DGKB: variants seen among roughly 807,000 people sequenced by gnomAD.
The protein encoded by DGKB is diacylglycerol kinase beta.
A neutral mutation model predicts 114.3 loss-of-function variants in DGKB; 67 were observed. The ratio of observed to expected loss-of-function variants is 0.59; its 90% CI spans 0.48 to 0.72. DGKB has a LOEUF of 0.72. DGKB is among the 30% of genes least tolerant of loss of function. The pLI, the probability that DGKB is intolerant of heterozygous loss-of-function variation, is 0.00. For missense variants in DGKB, 907 were observed against 975.2 expected, an observed-to-expected ratio of 0.93 and a Z score of 0.93; for synonymous variants, 398 against 323.1, an observed-to-expected ratio of 1.23 and a Z score of -2.49.
At position 14,601,620 on chromosome 7, in the gene DGKB, G is replaced by A. The variant is rs141826986; in HGVS notation, c.1433+5814C>T. 4.5e-4 allele frequency among the ~76,000 whole-genome samples: 69 copies of A among 152,194 alleles called. No homozygotes were observed. In the East Asian group the frequency reaches 0.012, roughly 27 times the overall value. On this transcript the variant is annotated intron_variant, in intron 17 of 25. Transcript: ENST00000402815. ...ATTACATCTTACTATAAGCAGTCAAGGGAAGCCATGCCACACCCTCAACAC... is the reference window on the plus strand; with the variant it reads ...ATTACATCTTACTATAAGCAGTCAAAGGAAGCCATGCCACACCCTCAACAC...
intron 13 of DGKB, among the ~76,000 whole-genome samples, chr7:14,664,582 T>C (rs1181313807): frequency 3.3e-5 from 5 of 152,028 alleles, no homozygotes; most frequent in African/African-American, 1.2e-4. Context: ...TGGAGTTTCA[T>C]GATCACACTA....
intron 21 of DGKB, among the ~76,000 whole-genome samples, chr7:14,384,048 C>T (rs17775754): frequency 0.015 from 2,244 of 152,276 alleles, 27 homozygotes; most frequent in Admixed American, 0.021. Context: ...TACCGCCTAG[C>T]ATTCAGTAAC....
In DGKB at chr7:14,804,910, CTATT is replaced by C. The variant is rs1377492386; in HGVS notation, c.70+36280_70+36283del. Among the ~76,000 whole-genome samples, 3 of 151,628 alleles carry C rather than the reference CTATT, an allele frequency of 2.0e-5. No individual in the cohort carries two copies. The East Asian group carries it at 5.8e-4, about 29-fold the overall frequency. On this transcript the variant is annotated intron_variant, in intron 2 of 25. Transcript: ENST00000402815. ...ATTCATTATTTCTTATTGCTGTTATCTATTTATATGTTTTCTTTCCTACCTCTCA... is the reference window on the plus strand; with the variant it reads ...ATTCATTATTTCTTATTGCTGTTATCTATATGTTTTCTTTCCTACCTCTCA...
intron 2 of DGKB, among the ~76,000 whole-genome samples, chr7:14,792,685 T>TA (rs1211395479): frequency 3.9e-5 from 6 of 152,090 alleles, no homozygotes; most frequent in Non-Finnish European, 8.8e-5. Context: ...AAACGTAAGT[T>TA]AAAATATGTT....
chr7:14,467,263 T>C (rs921685121), intron 21 of DGKB, among the ~76,000 whole-genome samples: 1 of 150,014 alleles, frequency 6.7e-6, no homozygotes, highest in Admixed American at 6.7e-5. Flanking sequence ...TTATATAAAA[T>C]TGCTAGAAAT....
At position 14,864,728 on chromosome 7, in the gene DGKB, CG is replaced by C. The variant is rs1851467404; in HGVS notation, c.-187-23279del. On this transcript the variant is annotated intron_variant, in intron 1 of 25. Transcript: ENST00000402815. ...TAAAGACAGAGAAATGTACAACAGT[CG>C]GGGTGTTACAAGCCATGTAATAGGA... Among the ~76,000 whole-genome samples, 3 of 150,812 alleles carry C rather than the reference CG, an allele frequency of 2.0e-5. No homozygotes were observed. In the South Asian group the frequency reaches 6.3e-4, roughly 32 times the overall value.
chr7:14,894,464 A>C (rs886525509), intron 1 of DGKB, among the ~76,000 whole-genome samples: 3 of 151,490 alleles, frequency 2.0e-5, no homozygotes, highest in African/African-American at 7.3e-5. Context: ...ATTTTTTATC[A>C]ATATGGCATT....
chr7:14,364,101 G>T (rs891679638), intron 21 of DGKB, among the ~76,000 whole-genome samples: 1 of 151,978 alleles, frequency 6.6e-6, no homozygotes, highest in African/African-American at 2.4e-5. Context: ...AATTTTGAAA[G>T]TGACGAAATT....
intron 25 of DGKB, among the ~76,000 whole-genome samples, chr7:14,163,236 A>C (rs894892714): frequency 1.3e-5 from 2 of 152,112 alleles, no homozygotes; most frequent in Non-Finnish European, 2.9e-5. Context: ...GTCACAATCA[A>C]TCCTTTTTTT....
intron 20 of DGKB, among the ~76,000 whole-genome samples, chr7:14,566,980 A>G (rs1797482095): frequency 6.8e-6 from 1 of 147,558 alleles, no homozygotes; most frequent in Non-Finnish European, 1.5e-5. Flanking sequence ...AATTTTCAAA[A>G]ATGTTGTATT....
intron 21 of DGKB, among the ~76,000 whole-genome samples, chr7:14,359,035 T>A (rs535329701): frequency 1.6e-4 from 25 of 152,058 alleles, no homozygotes; most frequent in Non-Finnish European, 3.4e-4. Flanking sequence ...AGCATCAGGC[T>A]ACCTGACTTC....
chr7:14,149,164 G>A lies in DGKB; in HGVS notation c.2379C>T (p.Leu793=), dbSNP rs61756281. The A allele has an allele frequency of 3.9e-4, 623 of 1,613,368 alleles. No homozygotes were observed. Among genetic ancestry groups the A allele is most frequent in the Non-Finnish European group, 4.7e-4 (552 of 1,179,550 alleles). ...PPPKTGLFCS[L]VKRTRNRSKE Reference sequence around the variant, plus strand: ...TGCTTCGGTTTCTTGTCCTTTTGACGAGGGAGCAGAATAAACCGGTTTTTG... The same window carrying A: ...TGCTTCGGTTTCTTGTCCTTTTGACAAGGGAGCAGAATAAACCGGTTTTTG... Residue 793 remains leucine (L), a synonymous_variant, in exon 26 of 26, where the codon CTC becomes CTT. Coordinates refer to ENST00000402815, the MANE Select transcript of DGKB (RefSeq NM_001350709.2).
rs749957853 is a variant in DGKB at position 14,697,743 on chromosome 7, G to GGAAAGAAAGAAAGAAAGAAAGAAAGAAA, written c.591+324_591+351dup. Among the ~76,000 whole-genome samples, 244 of 119,128 alleles carry GGAAAGAAAGAAAGAAAGAAAGAAAGAAA rather than the reference G, an allele frequency of 2.0e-3. 2 individuals carry two copies. Among genetic ancestry groups the GGAAAGAAAGAAAGAAAGAAAGAAAGAAA allele is most frequent in the African/African-American group, 4.0e-3 (113 of 28,012 alleles). 78.2% of individuals were successfully genotyped at this position (119,128 alleles called of 152,430 possible). ...AAGGAAGGAAGGAAAGAAAGAAGGAGGAAAGAAAGAAAGAAAGAAAGAAAG... is the reference window on the plus strand; with the variant it reads ...AAGGAAGGAAGGAAAGAAAGAAGGAGGAAAGAAAGAAAGAAAGAAAGAAAGAAAGAAAGAAAGAAAGAAAGAAAGAAAG... On this transcript the variant is annotated intron_variant, in intron 8 of 25. Coordinates refer to ENST00000402815, the MANE Select transcript of DGKB (RefSeq NM_001350709.2).
intron 2 of DGKB, among the ~76,000 whole-genome samples, chr7:14,774,417 A>G (rs1017970112): frequency 2.6e-5 from 4 of 152,308 alleles, no homozygotes; most frequent in African/African-American, 7.2e-5. Context: ...GGAAAAGCCA[A>G]ATAGAGGCTG....
chr7:14,956,461 T>G (rs992273956), intron 1 of DGKB, among the ~76,000 whole-genome samples: 4 of 152,038 alleles, frequency 2.6e-5, no homozygotes, highest in Admixed American at 2.0e-4. Flanking sequence ...AGGAAGCCTT[T>G]GTTAAAAATC....
chr7:14,272,624 C>G (rs768027573), intron 23 of DGKB, among the ~76,000 whole-genome samples: 2 of 152,152 alleles, frequency 1.3e-5, no homozygotes, highest in Non-Finnish European at 2.9e-5. Context: ...TATGGTCACT[C>G]TACTTTTTTT....
chr7:14,824,263 TC>T (rs1046508319), intron 2 of DGKB, among the ~76,000 whole-genome samples: 1 of 151,992 alleles, frequency 6.6e-6, no homozygotes, highest in African/African-American at 2.4e-5. Context: ...ATAACCTTGT[TC>T]TCCTCATTTT....
intron 2 of DGKB, among the ~76,000 whole-genome samples, chr7:14,759,111 G>C (rs1478253162): frequency 1.3e-5 from 2 of 152,082 alleles, no homozygotes; most frequent in Non-Finnish European, 2.9e-5. Context: ...TTTTAGTAGA[G>C]ACAGGGTTTC....
chr7:14,585,668 A>AT (rs1339645862), intron 17 of DGKB, among the ~76,000 whole-genome samples: 3 of 152,138 alleles, frequency 2.0e-5, no homozygotes, highest in African/African-American at 7.2e-5. Context: ...CAGATACTGC[A>AT]TTTTTTACAA....
Sources: gnomAD v4.1 joint callset for allele counts (sites outside exome capture counted in the v4.1 genomes callset) on GRCh38, gnomAD v4.1.1 for gene constraint, MANE v1.5 for transcripts, NCBI Gene and HGNC (gene_info 2026-07-23, HGNC 2026-07-21) for gene names.